The following TRPM8 variants were observed in gnomAD, a reference collection of about 807,000 sequenced individuals.
TRPM8 encodes the protein transient receptor potential cation channel subfamily M member 8.
In TRPM8, 110 loss-of-function variants were observed where a neutral mutation model predicts 133.7. The observed-to-expected ratio is 0.82, with a 90% confidence interval of 0.70 to 0.96. The LOEUF is 0.96. TRPM8 is among the 40% of genes least tolerant of loss of function. The pLI, the probability that TRPM8 is intolerant of heterozygous loss-of-function variation, is 0.00. For missense variants in TRPM8, 1,291 were observed against 1,379.5 expected (o/e 0.94, Z 1.02); for synonymous variants, 535 against 532.3 (o/e 1.01, Z -0.07).
intron 21 of TRPM8, among the ~76,000 whole-genome samples, chr2:233,988,764 A>C (rs1042927959): frequency 2.0e-5 from 3 of 152,080 alleles, no homozygotes; most frequent in Admixed American, 6.6e-5. Flanking sequence ...AGCCTGTCTG[A>C]CTCACAGGCA....
At chr2:234,011,742 C>A (rs1475223427) in intron 24 of TRPM8, among the ~76,000 whole-genome samples, 4 of 151,830 alleles carry the variant, frequency 2.6e-5, no homozygotes, top group African/African-American at 9.7e-5. Context: ...CACAGGGAAA[C>A]CCCGTCTCTA....
At position 234,014,641 on chromosome 2, in the gene TRPM8, C is replaced by G. The variant is rs111620953; in HGVS notation, c.*29C>G. The G allele has an allele frequency of 7.7e-7, 1 of 1,292,830 alleles. No individual in the cohort carries two copies. The allele number at this position is 1,292,830 out of a possible 1,614,324, so 80.1% of individuals were successfully genotyped here. A position where few individuals can be genotyped will look rare whatever the true frequency, so the allele number is the denominator to read the frequency against. ...TGTATGAACTCTAATGGAGAAAAAT[C>G]TAATTATAGCAAGGTGAGTCATTCT... On this transcript the variant is annotated 3_prime_UTR_variant, in exon 25 of 26. Coordinates refer to ENST00000324695, the MANE Select transcript of TRPM8 (RefSeq NM_024080.5).
Position 233,950,154 on chromosome 2 carries a change from G to C in TRPM8, c.1140+8G>C, listed in dbSNP as rs773975736. Reference sequence around the variant, plus strand: ...GAGAGTTGGATCAAATGGGTAAGTTGTCGGGACCATGTCTGAGGGCTGAGA... The same window carrying C: ...GAGAGTTGGATCAAATGGGTAAGTTCTCGGGACCATGTCTGAGGGCTGAGA... On this transcript the variant is annotated splice_region_variant and intron_variant, in intron 9 of 25. Transcript: ENST00000324695. The C allele has an allele frequency of 1.9e-6, 3 of 1,610,914 alleles. No homozygotes were observed. Among genetic ancestry groups the C allele is most frequent in the Non-Finnish European group, 2.5e-6 (3 of 1,179,292 alleles).
At chr2:233,920,641 G>A (rs1268725087) in intron 1 of TRPM8, among the ~76,000 whole-genome samples, 3 of 152,132 alleles carry the variant, frequency 2.0e-5, no homozygotes, top group Admixed American at 6.5e-5. Context: ...CCACTATGTG[G>A]CCCAGTGTGC....
intron 25 of TRPM8, among the ~76,000 whole-genome samples, chr2:234,015,820 T>C: frequency 6.6e-6 from 1 of 152,248 alleles, no homozygotes; most frequent in Non-Finnish European, 1.5e-5. Flanking sequence ...TCGTATTTAA[T>C]GAAAACACTA....
chr2:233,944,813 T>G (rs1014038088), intron 6 of TRPM8, among the ~76,000 whole-genome samples: 8 of 152,220 alleles, frequency 5.3e-5, no homozygotes, highest in Admixed American at 4.6e-4. Context: ...ATTTATATAA[T>G]AGCACTTACT....
rs771742259 is a variant in TRPM8, at chr2:234,006,871, A to G, written c.3149A>G (p.Asn1050Ser). 6 of 1,613,556 alleles carry G rather than the reference A, an allele frequency of 3.7e-6. No homozygotes were observed. The Admixed American group carries it at 5.0e-5, about 13-fold the overall frequency. ...SSVCCFKNED[N>S]ETLAWEGVMK... is the part of the protein sequence containing the mutation. ...ATTCAAGGTTTCAAAAATGAAGACA[A>G]TGAGACTCTGGCATGGGAGGGTGTC... Residue 1050 changes from asparagine (N) to serine (S), a missense_variant, in exon 23 of 26, where the codon AAT (asparagine) becomes AGT (serine). Physicochemically the swap from Asn to Ser is conservative, Grantham distance 46 (BLOSUM62 1). Transcript: ENST00000324695.
In TRPM8 at chr2:233,930,727, A is replaced by C; in HGVS notation, c.177A>C (p.Lys59Asn). The part of the protein sequence containing the change: ...FKKRECVFFT[K>N]DSKATENVCK... ...AACGAGAATGTGTCTTCTTTACCAA[A>C]GATTCCAAGGCCACGTAAGCTACTA... is the stretch of plus-strand genomic sequence containing the variant. The change falls in exon 3 of 26, where the codon AAA (lysine) becomes AAC (asparagine). Residue 59 changes from lysine to asparagine, a missense_variant. Coordinates refer to ENST00000324695, the MANE Select transcript of TRPM8 (RefSeq NM_024080.5). 1 of 1,608,646 alleles carries C rather than the reference A, an allele frequency of 6.2e-7. No homozygotes were observed. The highest frequency in any genetic ancestry group is 8.5e-7 in the Non-Finnish European group (1 of 1,176,476).
At chr2:233,922,883 T>A (rs1163470659) in intron 1 of TRPM8, among the ~76,000 whole-genome samples, 1 of 152,230 alleles carries the variant, frequency 6.6e-6, no homozygotes, top group East Asian at 1.9e-4. Context: ...CTTTTTTCTT[T>A]TTTGAAACAG....
chr2:233,926,425 C>T (rs1691516683), intron 1 of TRPM8, 108 bp from the exon 2 acceptor site: 8 of 799,414 alleles, frequency 1.0e-5, no homozygotes, highest in Non-Finnish European at 1.7e-5. Flanking sequence ...GGACATTGCA[C>T]GTGGCAAAGG....
In TRPM8 at chr2:233,960,988, G is replaced by A. The variant is rs941421006; in HGVS notation, c.1575G>A (p.Trp525Ter). Residue 525 changes from tryptophan to a stop codon, truncating the protein, a stop_gained, in exon 12 of 26, where the codon TGG (tryptophan) becomes TGA (stop). Coordinates refer to ENST00000324695, the MANE Select transcript of TRPM8 (RefSeq NM_024080.5). LOFTEE classifies it high-confidence loss of function. Reference sequence around the variant, plus strand: ...ATGATGCCCTCCTCACGTTTGTCTGGAAACTGGTTGCGAACTTCCGAAGAG... The same window carrying A: ...ATGATGCCCTCCTCACGTTTGTCTGAAAACTGGTTGCGAACTTCCGAAGAG... The part of the protein sequence containing the change: ...SYNDALLTFV[W>*]KLVANFRRGF... 1 of 1,614,164 alleles carries A rather than the reference G, an allele frequency of 6.2e-7. No individual in the cohort carries two copies. Among genetic ancestry groups the A allele is most frequent in the Non-Finnish European group, 8.5e-7 (1 of 1,180,036 alleles).
chr2:233,926,990 G>A (rs1163500359), intron 2 of TRPM8, among the ~76,000 whole-genome samples: 8 of 152,146 alleles, frequency 5.3e-5, no homozygotes, highest in African/African-American at 1.9e-4. Context: ...TCTTGGGTGA[G>A]CTGGAGTCGG....
At chr2:233,939,452 C>T (rs1690849573) in intron 5 of TRPM8, among the ~76,000 whole-genome samples, 1 of 152,106 alleles carries the variant, frequency 6.6e-6, no homozygotes, top group Admixed American at 6.5e-5. Flanking sequence ...TTGTTATTAA[C>T]ACACGTAAAG....
chr2:233,946,966 A>C (rs1691058997), intron 7 of TRPM8, 122 bp from the exon 8 acceptor site: 6 of 777,114 alleles, frequency 7.7e-6, no homozygotes, highest in Non-Finnish European at 1.3e-5. Context: ...AGTCCGTGAG[A>C]TGTGAAGCTA....
chr2:233,930,096 C>T (rs12617866), intron 2 of TRPM8, among the ~76,000 whole-genome samples: 2,856 of 152,246 alleles, frequency 0.019, 90 homozygotes, highest in East Asian at 0.15. Flanking sequence ...CCTTCTTCCA[C>T]TTTGAGGAGT....
At chr2:233,920,037 G>C (rs1691376793) in intron 1 of TRPM8, among the ~76,000 whole-genome samples, 1 of 152,206 alleles carries the variant, frequency 6.6e-6, no homozygotes, top group Non-Finnish European at 1.5e-5. Context: ...ATTAGCACCT[G>C]GGAACTTGCT....
chr2:234,006,219 T>C (rs1247410820), intron 22 of TRPM8, among the ~76,000 whole-genome samples: 1 of 152,208 alleles, frequency 6.6e-6, no homozygotes, highest in African/African-American at 2.4e-5. Context: ...ACCTGAAATA[T>C]AGGTGACATG....
chr2:233,963,387 CA>C lies in TRPM8; in HGVS notation c.1749+12del. ...AGTCATTTGGGAGCAGGTAAGTGCC[CA>C]AGCCCACATCAGATTTACACCAAAT... On this transcript the variant is annotated intron_variant, in intron 13 of 25. Coordinates refer to ENST00000324695, the MANE Select transcript of TRPM8 (RefSeq NM_024080.5). 1 of 1,556,708 alleles carries C rather than the reference CA, an allele frequency of 6.4e-7. No individual in the cohort carries two copies. Among genetic ancestry groups the C allele is most frequent in the African/African-American group, 1.4e-5 (1 of 73,782 alleles).
chr2:233,934,063 C>T (rs10490011), intron 3 of TRPM8: 3,171 of 166,946 alleles, frequency 0.019, 68 homozygotes, highest in Admixed American at 0.051. Context: ...GGAATCATTT[C>T]CATACTGTGT....
Sources: allele counts gnomAD v4.1 joint callset (sites outside exome capture counted in the v4.1 genomes callset), GRCh38; gene constraint gnomAD v4.1.1; transcripts MANE v1.5; gene names NCBI Gene and HGNC (gene_info 2026-07-23, HGNC 2026-07-21).